STK10: variants seen among roughly 807,000 people sequenced by gnomAD.
STK10 encodes serine/threonine kinase 10.
Under a neutral mutation model 113.8 loss-of-function variants are expected in STK10, and 78 were observed. That is an observed-to-expected ratio of 0.69 (90% CI 0.57 to 0.83). The LOEUF is 0.83. Among genes scored for constraint, STK10 ranks in the 40% least tolerant of loss-of-function variants. The probability of loss-of-function intolerance (pLI) is 0.00; values close to 1 mark genes in which losing one functional copy is unlikely to be tolerated. For missense variants in STK10, 1,109 were observed against 1,280.1 expected (o/e 0.87, Z 2.04); for synonymous variants, 465 against 494.7 (o/e 0.94, Z 0.80).
intron 16 of STK10, 81 bp from the exon 17 acceptor site, chr5:172,054,775 G>C: frequency 6.3e-7 from 1 of 1,582,804 alleles, no homozygotes. Flanking sequence ...CCCTGGCCCA[G>C]GGAGACCCCT....
At chr5:172,053,865 G>A (rs1027657137) in intron 17 of STK10, among the ~76,000 whole-genome samples, 5 of 152,228 alleles carry the variant, frequency 3.3e-5, no homozygotes, top group African/African-American at 1.2e-4. Context: ...CACTTCATAC[G>A]GGCTCTCTCA....
intron 10 of STK10, among the ~76,000 whole-genome samples, chr5:172,087,148 GT>G (rs1768581322): frequency 6.7e-6 from 1 of 148,740 alleles, no homozygotes; most frequent in Non-Finnish European, 1.5e-5. Context: ...GTGTGTGTGT[GT>G]GTGTGGTGTA....
chr5:172,083,918 A>C (rs1357793909), intron 10 of STK10, among the ~76,000 whole-genome samples: 13 of 144,616 alleles, frequency 9.0e-5, no homozygotes, highest in Non-Finnish European at 5.9e-5. Context: ...CAACAACACA[A>C]AAAAAAGAAA....
chr5:172,090,814 A>AATC (rs1768683782), intron 9 of STK10, among the ~76,000 whole-genome samples: 1 of 151,960 alleles, frequency 6.6e-6, no homozygotes, highest in Non-Finnish European at 1.5e-5. Flanking sequence ...AGGTGCCTGT[A>AATC]ATCACAGCTA....
chr5:172,071,544 T>C lies in STK10; in HGVS notation c.1990-6732A>G, dbSNP rs114020481. On this transcript the variant is annotated intron_variant, in intron 12 of 18. Transcript: ENST00000176763. ...CCGACTGACTCTTTGTTCATTGTAATAGTAAAAAACACATCCCTGGGTAGA... is the reference window on the plus strand; with the variant it reads ...CCGACTGACTCTTTGTTCATTGTAACAGTAAAAAACACATCCCTGGGTAGA... Among the ~76,000 whole-genome samples the C allele has an allele frequency of 9.5e-3, 1,445 of 152,146 alleles. 19 individuals carry two copies. The highest frequency in any genetic ancestry group is 0.029 in the African/African-American group (1,223 of 41,528).
intron 12 of STK10, among the ~76,000 whole-genome samples, chr5:172,074,319 A>C (rs1454614295): frequency 6.6e-6 from 1 of 152,228 alleles, no homozygotes; most frequent in African/African-American, 2.4e-5. Context: ...TCGTCAAGAC[A>C]CTGTAGTATT....
rs751997927 is a variant in STK10, at chr5:172,096,410, C to T, written c.1005+16G>A. 5 of 1,610,302 alleles carry T rather than the reference C, an allele frequency of 3.1e-6. No individual in the cohort carries two copies. The South Asian group carries it at 5.5e-5, about 18-fold the overall frequency. On this transcript the variant is annotated intron_variant, in intron 8 of 18. Transcript: ENST00000176763. Reference sequence around the variant, plus strand: ...TCCTCCCAGCCCCCGCTAAGCCCCACTCTCCCTGGCCTTACGGAGGCGGCA... The same window carrying T: ...TCCTCCCAGCCCCCGCTAAGCCCCATTCTCCCTGGCCTTACGGAGGCGGCA...
At position 172,068,400 on chromosome 5, in the gene STK10, A is replaced by G. The variant is rs1768113771; in HGVS notation, c.1990-3588T>C. On this transcript the variant is annotated intron_variant, in intron 12 of 18. Transcript: ENST00000176763. Reference sequence around the variant, plus strand: ...AAACTATCCTTCAGAAATGAAAGTAAAATAAAGACATTTTCAGATGAAGGA... The same window carrying G: ...AAACTATCCTTCAGAAATGAAAGTAGAATAAAGACATTTTCAGATGAAGGA... 2.0e-5 allele frequency among the ~76,000 whole-genome samples: 3 copies of G among 152,198 alleles called. No homozygotes were observed. The South Asian group carries it at 6.2e-4, about 31-fold the overall frequency.
At chr5:172,086,782 C>T (rs553300362) in intron 10 of STK10, among the ~76,000 whole-genome samples, 3 of 152,288 alleles carry the variant, frequency 2.0e-5, no homozygotes, top group South Asian at 4.1e-4. Flanking sequence ...GGCAGGCAAG[C>T]GAGAAAATCC....
At chr5:172,086,214 G>A (rs561274035) in intron 10 of STK10, among the ~76,000 whole-genome samples, 4 of 152,266 alleles carry the variant, frequency 2.6e-5, no homozygotes, top group African/African-American at 9.6e-5. Flanking sequence ...GCAACTGGTC[G>A]AATTCTACCA....
intron 3 of STK10, among the ~76,000 whole-genome samples, chr5:172,119,713 A>C (rs1769463898): frequency 6.8e-6 from 1 of 147,170 alleles, no homozygotes; most frequent in Admixed American, 6.7e-5. Flanking sequence ...AAATACAAAA[A>C]ATTAGCCGGG....
intron 7 of STK10, among the ~76,000 whole-genome samples, chr5:172,102,001 C>T (rs1280488520): frequency 6.6e-6 from 1 of 152,022 alleles, no homozygotes; most frequent in African/African-American, 2.4e-5. Context: ...CTCTAAGGGG[C>T]CCTGAGACTC....
intron 2 of STK10, among the ~76,000 whole-genome samples, chr5:172,150,047 C>CAAAAAAA (rs35745235): frequency 1.1e-5 from 1 of 87,120 alleles, no homozygotes; most frequent in African/African-American, 4.2e-5. Context: ...AACTTTGTCT[C>CAAAAAAA]AAAAAAAAAA....
At chr5:172,159,116 A>C (rs1323361209) in intron 1 of STK10, among the ~76,000 whole-genome samples, 2 of 152,236 alleles carry the variant, frequency 1.3e-5, no homozygotes, top group African/African-American at 4.8e-5. Flanking sequence ...ACCCCATTGC[A>C]CACAAGGAGC....
intron 12 of STK10, among the ~76,000 whole-genome samples, chr5:172,079,815 G>A (rs1370650350): frequency 6.6e-6 from 1 of 152,124 alleles, no homozygotes; most frequent in African/African-American, 2.4e-5. Context: ...GCCCGCCTGG[G>A]CCTCCCAAAG....
At chr5:172,136,450 A>T (rs1298444656) in intron 2 of STK10, among the ~76,000 whole-genome samples, 2 of 152,130 alleles carry the variant, frequency 1.3e-5, no homozygotes, top group Non-Finnish European at 2.9e-5. Flanking sequence ...ACAAAAACTT[A>T]GCCAGGTGTG....
At chr5:172,050,400 A>G (rs935020149) in intron 18 of STK10, among the ~76,000 whole-genome samples, 1 of 152,200 alleles carries the variant, frequency 6.6e-6, no homozygotes, top group African/African-American at 2.4e-5. Context: ...TTTGATTAAA[A>G]AACAACTCAC....
intron 12 of STK10, among the ~76,000 whole-genome samples, chr5:172,074,013 A>T (rs996028191): frequency 6.6e-6 from 1 of 151,624 alleles, no homozygotes; most frequent in African/African-American, 2.4e-5. Flanking sequence ...TAAAATATAT[A>T]GTGAATCTGT....
Position 172,114,473 on chromosome 5 carries a change from A to ATATATAT in STK10, c.520+3007_520+3008insATATATA, listed in dbSNP as rs1226289994. 4.2e-4 allele frequency: 20 copies of ATATATAT among 47,544 alleles called. 3 individuals carry two copies. The highest frequency in any genetic ancestry group is 8.5e-4 in the African/African-American group (6 of 7,074). The allele number at this position is 47,544 out of a possible 1,614,324, so 2.9% of individuals were successfully genotyped here. ...ATTATATATATATATATATATATAT[A>ATATATAT]TTTTTTTTTTTTTTTTTTTTTTTTT... On this transcript the variant is annotated intron_variant, in intron 4 of 18. Transcript: ENST00000176763.
Sources: gnomAD v4.1 joint callset for allele counts (sites outside exome capture counted in the v4.1 genomes callset) on GRCh38, gnomAD v4.1.1 for gene constraint, MANE v1.5 for transcripts, NCBI Gene and HGNC (gene_info 2026-07-23, HGNC 2026-07-21) for gene names.